TUBGCP3: variants seen among roughly 807,000 people sequenced by gnomAD.
TUBGCP3 encodes the protein gamma-tubulin complex component 3.
A neutral mutation model predicts 123.1 loss-of-function variants in TUBGCP3; 50 were observed. The observed-to-expected ratio is 0.41, with a 90% CI of 0.32 to 0.51. The LOEUF is 0.51. Ranked by LOEUF, TUBGCP3 falls within the 20% of genes least tolerant of loss-of-function variation. TUBGCP3 has a pLI of 0.36. For missense variants in TUBGCP3, 882 were observed against 1,127.0 expected, an observed-to-expected ratio of 0.78 and a Z score of 3.11; for synonymous variants, 405 against 413.9, an observed-to-expected ratio of 0.98 and a Z score of 0.26.
intron 17 of TUBGCP3, among the ~76,000 whole-genome samples, chr13:112,505,782 C>T (rs1322921915): frequency 6.6e-6 from 1 of 152,206 alleles, no homozygotes; most frequent in Non-Finnish European, 1.5e-5. Flanking sequence ...TGTATGAACG[C>T]TGTCTGAAGG....
the TUBGCP3 span, among the ~76,000 whole-genome samples, chr13:112,595,501 A>T: frequency 6.6e-6 from 1 of 152,130 alleles, no homozygotes; most frequent in Non-Finnish European, 1.5e-5. Context: ...CCAGCCAATT[A>T]ATACATTTTG....
chr13:112,532,433 A>C (rs903894160), intron 11 of TUBGCP3, among the ~76,000 whole-genome samples: 2 of 152,222 alleles, frequency 1.3e-5, no homozygotes, highest in African/African-American at 4.8e-5. Context: ...CATTTGAATC[A>C]AGTCTGGAAA....
intron 11 of TUBGCP3, among the ~76,000 whole-genome samples, chr13:112,541,772 G>A (rs1372843965): frequency 2.0e-5 from 3 of 152,134 alleles, no homozygotes; most frequent in Non-Finnish European, 4.4e-5. Flanking sequence ...TGAAAACTCA[G>A]ACAATTCCCA....
chr13:112,521,260 A>C (rs1876598117), intron 14 of TUBGCP3, among the ~76,000 whole-genome samples: 2 of 152,192 alleles, frequency 1.3e-5, no homozygotes, highest in Admixed American at 1.3e-4. Context: ...TTTTCTTACA[A>C]ATGTGTTAGC....
In TUBGCP3 at chr13:112,555,266, G is replaced by A. The variant is rs1006609422; in HGVS notation, c.722-261C>T. On this transcript the variant is annotated intron_variant, in intron 6 of 21. Coordinates refer to ENST00000261965, the MANE Select transcript of TUBGCP3 (RefSeq NM_006322.6). ...GCAGCTGTGGACAGAGGCTGGACGC[G>A]GGAGCCACACACAGGGACAGGCGGA... 5.3e-5 allele frequency among the ~76,000 whole-genome samples: 8 copies of A among 152,132 alleles called. No homozygotes were observed. In the South Asian group the frequency reaches 6.2e-4, roughly 12 times the overall value.
At chr13:112,495,761 T>C (rs1257434235) in intron 20 of TUBGCP3, among the ~76,000 whole-genome samples, 1 of 152,182 alleles carries the variant, frequency 6.6e-6, no homozygotes, top group African/African-American at 2.4e-5. Context: ...CTTAGATAAC[T>C]ATATTCAATT....
chr13:112,516,456 G>A lies in TUBGCP3; in HGVS notation c.2070C>T (p.Leu690=). The part of the protein sequence containing the change: ...IRKGHMCNAK[L]LRNMPEFSGV... ...GGGGCTCACCTGGCATGTTTCTCAG[G>A]AGCTTTGCATTGCACATGTGTCCCT... Residue 690 remains leucine, a synonymous_variant, in exon 17 of 22, where the codon CTC becomes CTT. Transcript: ENST00000261965. 6.2e-7 allele frequency: 1 copy of A among 1,608,274 alleles called. No individual in the cohort carries two copies. Among genetic ancestry groups the A allele is most frequent in the South Asian group, 1.1e-5 (1 of 90,020 alleles).
chr13:112,524,000 C>G (rs1456114128), intron 13 of TUBGCP3, among the ~76,000 whole-genome samples: 1 of 152,130 alleles, frequency 6.6e-6, no homozygotes, highest in African/African-American at 2.4e-5. Context: ...ATGGACAGGA[C>G]GACGGGGACC....
chr13:112,547,971 A>C (rs1322258678), intron 9 of TUBGCP3, 137 bp downstream of exon 9: 1 of 898,106 alleles, frequency 1.1e-6, no homozygotes, highest in Admixed American at 3.0e-5. Context: ...TTGATATTCA[A>C]ACCTTACAAA....
In TUBGCP3 at chr13:112,485,717, A is replaced by G; in HGVS notation, c.*276T>C. ...TAACATAGAAAGCTTAAGAAGCCTC[A>G]GCAAATTATGGTATCTTTTAGCGAT... is the stretch of plus-strand genomic sequence containing the variant. On this transcript the variant is annotated 3_prime_UTR_variant, in exon 22 of 22. Transcript: ENST00000261965. 1 of 381,648 alleles carries G rather than the reference A, an allele frequency of 2.6e-6. No homozygotes were observed. 23.6% of individuals were successfully genotyped at this position (381,648 alleles called of 1,614,324 possible). A position where few individuals can be genotyped will look rare whatever the true frequency, so the allele number is the denominator to read the frequency against.
At position 112,547,675 on chromosome 13, in the gene TUBGCP3, G is replaced by A; in HGVS notation, c.1113C>T (p.Thr371=). 1 of 1,586,224 alleles carries A rather than the reference G, an allele frequency of 6.3e-7. No homozygotes were observed. The highest frequency in any genetic ancestry group is 8.6e-7 in the Non-Finnish European group (1 of 1,163,448). The part of the protein sequence containing the change: ...SLTLRRLLVW[T]YDPKIRLKTL... ...TCTTCAGTCGTATTTTGGGATCATAGGTCCAAACCAGGAGGCGCCGAAGTG... is the reference window on the plus strand; with the variant it reads ...TCTTCAGTCGTATTTTGGGATCATAAGTCCAAACCAGGAGGCGCCGAAGTG... The change falls in exon 10 of 22, where the codon ACC becomes ACT. Residue 371 remains threonine (T), a synonymous_variant. Coordinates refer to ENST00000261965, the MANE Select transcript of TUBGCP3 (RefSeq NM_006322.6).
chr13:112,562,815 A>T (rs1880625170), intron 3 of TUBGCP3, among the ~76,000 whole-genome samples: 1 of 152,250 alleles, frequency 6.6e-6, no homozygotes, highest in Admixed American at 6.5e-5. Context: ...AGAAAGTCTT[A>T]TCGGGACATG....
intron 1 of TUBGCP3, among the ~76,000 whole-genome samples, chr13:112,579,206 TTAAAAC>T (rs1882090181): frequency 6.6e-6 from 1 of 151,910 alleles, no homozygotes; most frequent in African/African-American, 2.4e-5. Context: ...AAAATTAAAA[TTAAAAC>T]CACACTGAGA....
the TUBGCP3 span, chr13:112,605,178 A>T: frequency 2.0e-5 from 3 of 152,236 alleles, no homozygotes; most frequent in Admixed American, 2.0e-4. Context: ...GCCTGGTGGC[A>T]GGCACCTGTA....
At chr13:112,593,279 G>A in the TUBGCP3 span, among the ~76,000 whole-genome samples, 894 of 152,208 alleles carry the variant, frequency 5.9e-3, 7 homozygotes, top group African/African-American at 0.02. Flanking sequence ...TTAGCTGGGC[G>A]TAGTTGTACG....
At chr13:112,505,437 A>G (rs1881226168) in intron 17 of TUBGCP3, among the ~76,000 whole-genome samples, 1 of 152,254 alleles carries the variant, frequency 6.6e-6, no homozygotes, top group Admixed American at 6.5e-5. Flanking sequence ...AACGCCCTCA[A>G]TGAGTTACCT....
At chr13:112,555,699 T>G (rs1879962096) in intron 6 of TUBGCP3, among the ~76,000 whole-genome samples, 1 of 152,176 alleles carries the variant, frequency 6.6e-6, no homozygotes, top group African/African-American at 2.4e-5. Context: ...AGGTGACTTT[T>G]ACTGGGGGCC....
At chr13:112,488,702 C>T (rs1278925574) in intron 21 of TUBGCP3, among the ~76,000 whole-genome samples, 3 of 139,104 alleles carry the variant, frequency 2.2e-5, no homozygotes, top group African/African-American at 8.4e-5. Flanking sequence ...CAGGTCCCCA[C>T]ACCCACCACA....
chr13:112,515,474 G>T (rs1412550429), intron 17 of TUBGCP3, among the ~76,000 whole-genome samples: 3 of 152,206 alleles, frequency 2.0e-5, no homozygotes, highest in Non-Finnish European at 4.4e-5. Context: ...ACAGTGGCGA[G>T]AAGGACGGTG....
Sources: allele counts gnomAD v4.1 joint callset (sites outside exome capture counted in the v4.1 genomes callset), GRCh38; gene constraint gnomAD v4.1.1; transcripts MANE v1.5; gene names NCBI Gene and HGNC (gene_info 2026-07-23, HGNC 2026-07-21).